Variants in HUWE1 observed in about 807,000 individuals in gnomAD.
The protein encoded by HUWE1 is HECT, UBA and WWE domain containing E3 ubiquitin protein ligase 1, also known as E3 ubiquitin-protein ligase HUWE1.
A neutral mutation model predicts 299.4 loss-of-function variants in HUWE1; 18 were observed. The observed-to-expected ratio is 0.06, with a 90% CI of 0.04 to 0.09. The LOEUF (loss-of-function observed/expected upper bound fraction) is 0.09, where lower values mean the gene tolerates loss of function less well. HUWE1 is among the 10% of genes least tolerant of loss of function. HUWE1 has a pLI of 1.00. For missense variants in HUWE1, 1,832 were observed against 3,462.3 expected (o/e 0.53, Z 11.82); for synonymous variants, 1,317 against 1,286.1 (o/e 1.02, Z -0.51).
chrX:53,618,075 A>T (rs1250660989), intron 19 of HUWE1, among the ~76,000 whole-genome samples: 1 of 112,199 alleles, frequency 8.9e-6, no homozygotes, highest in Non-Finnish European at 1.9e-5. Context: ...AAGCTTCTGG[A>T]ACATGGGAAA....
At chrX:53,538,577 G>A in intron 76 of HUWE1, 123 bp from the exon 77 acceptor site, 1 of 587,367 alleles carries the variant, frequency 1.7e-6, no homozygotes, top group Non-Finnish European at 2.9e-6. Context: ...AAAAGGACTA[G>A]TCAAAACCAA....
chrX:53,600,746 A>G (rs1203288793), intron 28 of HUWE1, among the ~76,000 whole-genome samples: 3 of 112,751 alleles, frequency 2.7e-5, no homozygotes, highest in Non-Finnish European at 5.6e-5. Context: ...TGAATGTGAC[A>G]TGTGTCTTTT....
At position 53,544,491 on chromosome X, in the gene HUWE1, T is replaced by C. The variant is rs1398441365; in HGVS notation, c.11251+69A>G. 3.4e-6 allele frequency: 3 copies of C among 881,367 alleles called. No homozygotes were observed. In the African/African-American group the frequency reaches 5.9e-5, roughly 17 times the overall value. 72.6% of individuals were successfully genotyped at this position (881,367 alleles called of 1,213,427 possible). Reference sequence around the variant, plus strand: ...AGGAAGGAGACAGGCCGTTAAGTCCTGCACCTCCAAGGAATCTGGCTTTAC... The same window carrying C: ...AGGAAGGAGACAGGCCGTTAAGTCCCGCACCTCCAAGGAATCTGGCTTTAC... On this transcript the variant is annotated intron_variant, in intron 72 of 83. Transcript: ENST00000262854.
chrX:53,648,338 A>C (rs370185325), intron 4 of HUWE1, 28 bp from the exon 5 acceptor site: 1 of 917,859 alleles, frequency 1.1e-6, no homozygotes, highest in Non-Finnish European at 1.6e-6. Flanking sequence ...TTCACAAAAG[A>C]TGTTTTGGAA....
At chrX:53,666,057 G>A (rs2069237770) in intron 3 of HUWE1, among the ~76,000 whole-genome samples, 1 of 112,054 alleles carries the variant, frequency 8.9e-6, no homozygotes, top group African/African-American at 3.2e-5. Flanking sequence ...TCACCCAGAA[G>A]GGCCACAGGC....
intron 59 of HUWE1, among the ~76,000 whole-genome samples, chrX:53,558,337 C>A (rs1033334766): frequency 1.8e-5 from 2 of 111,549 alleles, no homozygotes; most frequent in African/African-American, 6.5e-5. Context: ...CGACTAAGAG[C>A]ATGGACTTAG....
chrX:53,634,159 C>T (rs2149095279), intron 8 of HUWE1, 77 bp downstream of exon 8: 2 of 801,939 alleles, frequency 2.5e-6, no homozygotes, highest in South Asian at 2.1e-5. Flanking sequence ...TCATATACCA[C>T]AATTCATTGT....
Position 53,584,187 on chromosome X carries a change from A to G in HUWE1, c.5160T>C (p.Asn1720=), listed in dbSNP as rs1556970905. The change falls in exon 41 of 84, where the codon AAT becomes AAC. Residue 1720 remains asparagine, a splice_region_variant and synonymous_variant. Coordinates refer to ENST00000262854, the MANE Select transcript of HUWE1 (RefSeq NM_031407.7). ...MDIKRKENKG[N]DTPLALESTN... Reference sequence around the variant, plus strand: ...AGGTAAAACACTCTTGGTACATACCATTGCCTTTATTTTCTTTACGTTTGA... The same window carrying G: ...AGGTAAAACACTCTTGGTACATACCGTTGCCTTTATTTTCTTTACGTTTGA... 1 of 1,207,832 alleles carries G rather than the reference A, an allele frequency of 8.3e-7. No homozygotes were observed. Among genetic ancestry groups the G allele is most frequent in the Non-Finnish European group, 1.1e-6 (1 of 892,312 alleles).
intron 72 of HUWE1, 112 bp downstream of exon 72, chrX:53,544,448 C>A (rs1253434107): frequency 3.4e-6 from 2 of 591,692 alleles, no homozygotes; most frequent in African/African-American, 4.5e-5. Context: ...AATCATTTTC[C>A]TTTTGGAAAG....
At chrX:53,584,060 G>T in intron 41 of HUWE1, 126 bp downstream of exon 41, 1 of 813,283 alleles carries the variant, frequency 1.2e-6, no homozygotes, top group Non-Finnish European at 1.8e-6. Context: ...AGATGAAAAA[G>T]CATAAGGGAG....
chrX:53,561,306 C>T (rs1556940888), intron 55 of HUWE1, among the ~76,000 whole-genome samples: 1 of 111,919 alleles, frequency 8.9e-6, no homozygotes, highest in Non-Finnish European at 1.9e-5. Flanking sequence ...CTCGTTCTCC[C>T]GAAAAGACGC....
At chrX:53,553,549 C>G (rs1158966334) in intron 61 of HUWE1, among the ~76,000 whole-genome samples, 1 of 108,066 alleles carries the variant, frequency 9.3e-6, no homozygotes, top group Non-Finnish European at 1.9e-5. Context: ...GTGGCTCATG[C>G]CTGTAATCCA....
At chrX:53,581,048 ACT>A in intron 42 of HUWE1, 22 bp from the exon 43 acceptor site, 1 of 1,142,949 alleles carries the variant, frequency 8.7e-7, no homozygotes, top group Non-Finnish European at 1.2e-6. Context: ...AGAAAGAAAC[ACT>A]GTCGATTAAA....
intron 73 of HUWE1, 101 bp from the exon 74 acceptor site, chrX:53,542,640 A>T (rs1556919542): frequency 1.7e-6 from 1 of 583,167 alleles, no homozygotes; most frequent in East Asian, 3.3e-5. Flanking sequence ...TTGAGCTTGC[A>T]AAGAAGCTTC....
rs1556973725 is a variant in HUWE1 at position 53,586,796 on chromosome X, T to G, written c.4728A>C (p.Glu1576Asp). Residue 1576 changes from glutamate (E) to aspartate (D), a missense_variant, in exon 38 of 84, where the codon GAA becomes GAC. Physicochemically the swap from Glu to Asp is conservative, Grantham distance 45. Transcript: ENST00000262854. ...PCLQAAKEQK[E>D]VQTPKWITPV... ...GGGTTACTCACTTTGGGGTCTGGAC[T>G]TCCTTCTGCTCCTTGGCTGCCTGGA... The G allele has an allele frequency of 1.7e-6, 2 of 1,211,472 alleles. No homozygotes were observed. Among genetic ancestry groups the G allele is most frequent in the South Asian group, 3.5e-5 (2 of 56,963 alleles).
intron 3 of HUWE1, among the ~76,000 whole-genome samples, chrX:53,654,903 T>C (rs928071288): frequency 8.9e-6 from 1 of 112,041 alleles, no homozygotes; most frequent in Non-Finnish European, 1.9e-5. Flanking sequence ...AGTTGTATCA[T>C]AAGAGCAAAG....
chrX:53,558,340 G>C (rs1300262169), intron 59 of HUWE1, among the ~76,000 whole-genome samples: 1 of 111,530 alleles, frequency 9.0e-6, no homozygotes, highest in Non-Finnish European at 1.9e-5. Flanking sequence ...CTAAGAGCAT[G>C]GACTTAGATA....
intron 26 of HUWE1, 91 bp downstream of exon 26, chrX:53,604,498 C>G: frequency 1.9e-6 from 2 of 1,036,392 alleles, no homozygotes; most frequent in Non-Finnish European, 2.7e-6. Context: ...TCAGGCAGAC[C>G]TCCTTTCAAG....
chrX:53,684,092 GCCGAAGTAGCTACAGCTTCAC>G, intron 2 of HUWE1: 3 of 263,491 alleles, frequency 1.1e-5, no homozygotes, highest in Middle Eastern at 1.0e-3. Context: ...TCCCACCAAA[GCCGAAGTAGCTACAGCTTCAC>G]CCTACGCGAA....
Sources: gnomAD v4.1 joint callset for allele counts (sites outside exome capture counted in the v4.1 genomes callset) on GRCh38, gnomAD v4.1.1 for gene constraint, MANE v1.5 for transcripts, NCBI Gene and HGNC (gene_info 2026-07-23, HGNC 2026-07-21) for gene names.